The following ANKFY1 variants were observed in gnomAD, a reference collection of about 807,000 sequenced individuals.
ANKFY1 encodes the protein ankyrin repeat and FYVE domain containing 1, also known as ankyrin repeat and FYVE domain-containing protein 1.
A neutral mutation model predicts 128.3 loss-of-function variants in ANKFY1; 47 were observed. The ratio of observed to expected loss-of-function variants is 0.37; its 90% CI spans 0.29 to 0.47. The LOEUF (loss-of-function observed/expected upper bound fraction) is 0.47, where lower values mean the gene tolerates loss of function less well. Among genes scored for constraint, ANKFY1 ranks in the 20% least tolerant of loss-of-function variants. The pLI is 1.00. For synonymous variants in ANKFY1, 553 were observed against 601.6 expected, an observed-to-expected ratio of 0.92 and a Z score of 1.18; for missense variants, 1,222 against 1,510.6, an observed-to-expected ratio of 0.81 and a Z score of 3.17.
chr17:4,243,480 T>C (rs1002924453), intron 1 of ANKFY1, among the ~76,000 whole-genome samples: 3 of 152,032 alleles, frequency 2.0e-5, no homozygotes, highest in Non-Finnish European at 4.4e-5. Context: ...CACAGGCACA[T>C]CCCACTGTGC....
intron 19 of ANKFY1, 146 bp downstream of exon 19, chr17:4,176,980 A>T: frequency 1.2e-6 from 1 of 801,448 alleles, no homozygotes; most frequent in Non-Finnish European, 1.8e-6. Context: ...CCTTGACACC[A>T]GTTTCCTGAG....
In ANKFY1 at chr17:4,208,223, A is replaced by C. The variant is rs1045617121; in HGVS notation, c.583-141T>G. The C allele has an allele frequency of 5.3e-5, 38 of 716,662 alleles. No individual in the cohort carries two copies. In the African/African-American group the frequency reaches 6.6e-4, roughly 12 times the overall value. 44.4% of individuals were successfully genotyped at this position (716,662 alleles called of 1,614,324 possible). On this transcript the variant is annotated intron_variant, in intron 5 of 24. Coordinates refer to ENST00000341657, the MANE Select transcript of ANKFY1 (RefSeq NM_001330063.2). ...CCCAACTCATTTATTTCTCCCCAAA[A>C]CCCAATGAAGTAAGTACTTGAACAT...
rs1180303460 is a variant in ANKFY1, at chr17:4,211,302, C to T, written c.459-1355G>A. Among the ~76,000 whole-genome samples the T allele has an allele frequency of 4.0e-5, 6 of 150,702 alleles. No homozygotes were observed. The East Asian group carries it at 1.2e-3, about 30-fold the overall frequency. The stretch of plus-strand genomic sequence containing the variant: ...GTCCCAGATACTGGGGAGGCTGAGG[C>T]ACAAGAATCACGTGAACCCGGGAGG... On this transcript the variant is annotated intron_variant, in intron 4 of 24. Transcript: ENST00000341657.
chr17:4,223,173 G>C, intron 3 of ANKFY1: 6 of 797,376 alleles, frequency 7.5e-6, no homozygotes, highest in South Asian at 5.7e-5. Flanking sequence ...CTCACTGAAA[G>C]TCGTAAGCTG....
chr17:4,182,115 G>A (rs909709846), intron 15 of ANKFY1, 66 bp downstream of exon 15: 1 of 1,348,610 alleles, frequency 7.4e-7, no homozygotes. Context: ...TACGCAGGCA[G>A]CAGATCCATC....
chr17:4,260,829 C>A (rs529851171), intron 1 of ANKFY1, among the ~76,000 whole-genome samples: 1 of 152,230 alleles, frequency 6.6e-6, no homozygotes, highest in South Asian at 2.1e-4. Flanking sequence ...CTCTCACGAT[C>A]CTATTTACTA....
intron 3 of ANKFY1, among the ~76,000 whole-genome samples, chr17:4,230,155 G>A (rs1314076831): frequency 6.6e-6 from 1 of 152,144 alleles, no homozygotes; most frequent in Non-Finnish European, 1.5e-5. Flanking sequence ...ACAGCTCCCC[G>A]AGTACACAGT....
At position 4,197,549 on chromosome 17, in the gene ANKFY1, A is replaced by T. The variant is rs764073697; in HGVS notation, c.927T>A (p.Ile309=). The change falls in exon 8 of 25, where the codon ATT becomes ATA. Residue 309 remains isoleucine (I), a synonymous_variant. Coordinates refer to ENST00000341657, the MANE Select transcript of ANKFY1 (RefSeq NM_001330063.2). ...RGDLFAATFL[I]KNGAFVNAAT... is the part of the protein sequence containing the mutation. ...CAGCGTTGACAAAGGCCCCATTCTTAATGAGGAAAGTGGCAGCAAAGAGAT... is the reference window on the plus strand; with the variant it reads ...CAGCGTTGACAAAGGCCCCATTCTTTATGAGGAAAGTGGCAGCAAAGAGAT... The T allele has an allele frequency of 6.2e-7, 1 of 1,614,072 alleles. No individual in the cohort carries two copies. Among genetic ancestry groups the T allele is most frequent in the Non-Finnish European group, 8.5e-7 (1 of 1,180,038 alleles).
chr17:4,203,256 C>T (rs1303803010), intron 7 of ANKFY1, among the ~76,000 whole-genome samples: 1 of 152,142 alleles, frequency 6.6e-6, no homozygotes, highest in Non-Finnish European at 1.5e-5. Context: ...TTAAAAGTTT[C>T]AGTTACTTCA....
chr17:4,215,717 A>G (rs1275639111), intron 4 of ANKFY1, among the ~76,000 whole-genome samples: 4 of 152,238 alleles, frequency 2.6e-5, no homozygotes, highest in Non-Finnish European at 4.4e-5. Flanking sequence ...GTTTAATTAA[A>G]GAATCCATTA....
At chr17:4,251,155 G>A (rs1197424979) in intron 1 of ANKFY1, among the ~76,000 whole-genome samples, 1 of 152,230 alleles carries the variant, frequency 6.6e-6, no homozygotes, top group Non-Finnish European at 1.5e-5. Flanking sequence ...TGACAATGGT[G>A]TGAAGGCATT....
At position 4,181,221 on chromosome 17, in the gene ANKFY1, A is replaced by G; in HGVS notation, c.2240+33T>C. The G allele has an allele frequency of 8.3e-6, 13 of 1,564,442 alleles. No individual in the cohort carries two copies. Among genetic ancestry groups the G allele is most frequent in the Non-Finnish European group, 1.1e-5 (13 of 1,135,826 alleles). ...AGCCAGTTTGCAACAAGCTCACTAA[A>G]AAGCTGTGGAGAGATACTGGGGACT... On this transcript the variant is annotated intron_variant, in intron 16 of 24. Coordinates refer to ENST00000341657, the MANE Select transcript of ANKFY1 (RefSeq NM_001330063.2). The surrounding 1 kb of genome is among the most constrained non-coding windows in gnomAD (Gnocchi z 4.9).
intron 1 of ANKFY1, among the ~76,000 whole-genome samples, chr17:4,247,092 G>A (rs1967581845): frequency 6.6e-6 from 1 of 151,492 alleles, no homozygotes; most frequent in African/African-American, 2.4e-5. Context: ...TCCAGCCTGG[G>A]TGACAGAGAG....
Position 4,179,862 on chromosome 17 carries a change from G to C in ANKFY1, c.2256C>G (p.Asn752Lys). The change falls in exon 17 of 25, where the codon AAC becomes AAG. Residue 752 changes from asparagine (N) to lysine (K), a missense_variant. By Grantham distance (94) the Asn-to-Lys change is moderately conservative. Coordinates refer to ENST00000341657, the MANE Select transcript of ANKFY1 (RefSeq NM_001330063.2). ...CATTGGCGCCTGGTTGTCTGGGACTGTTCACGTCACAGCCACTGAAAGGAA... is the reference window on the plus strand; with the variant it reads ...CATTGGCGCCTGGTTGTCTGGGACTCTTCACGTCACAGCCACTGAAAGGAA... ...CFLIRSGCDV[N>K]SPRQPGANGE... is the part of the protein sequence containing the mutation. 6.2e-7 allele frequency: 1 copy of C among 1,614,166 alleles called. No homozygotes were observed. Among genetic ancestry groups the C allele is most frequent in the Non-Finnish European group, 8.5e-7 (1 of 1,180,042 alleles).
intron 16 of ANKFY1, 87 bp from the exon 17 acceptor site, chr17:4,179,964 A>G: frequency 6.5e-7 from 1 of 1,531,316 alleles, no homozygotes; most frequent in East Asian, 2.3e-5. Context: ...CAGGAGCCTC[A>G]TCCAATCCAA....
intron 3 of ANKFY1, chr17:4,222,588 A>C: frequency 7.9e-7 from 1 of 1,264,490 alleles, no homozygotes. Context: ...TTATGATACT[A>C]ATGCAGCTCA....
At chr17:4,168,007 G>T in intron 24 of ANKFY1, 96 bp from the exon 25 acceptor site, 1 of 1,417,792 alleles carries the variant, frequency 7.1e-7, no homozygotes. Flanking sequence ...TGGCAGCCAA[G>T]GCGCCCGCAA....
chr17:4,248,971 G>A (rs1967699272), intron 1 of ANKFY1: 1 of 183,914 alleles, frequency 5.4e-6, no homozygotes, highest in Non-Finnish European at 1.0e-5. Flanking sequence ...CTTTCTGATA[G>A]TTCATCACTC....
intron 1 of ANKFY1, among the ~76,000 whole-genome samples, chr17:4,248,913 A>G (rs1439411305): frequency 1.3e-5 from 2 of 152,220 alleles, no homozygotes; most frequent in African/African-American, 4.8e-5. Context: ...AATAATACCT[A>G]TCTGTTCTCC....
Sources: gnomAD v4.1 joint callset for allele counts (sites outside exome capture counted in the v4.1 genomes callset) on GRCh38, gnomAD v4.1.1 for gene constraint, Gnocchi (gnomAD v3.1) non-coding constraint, MANE v1.5 for transcripts, NCBI Gene and HGNC (gene_info 2026-07-23, HGNC 2026-07-21) for gene names.